Variants in TAFA1 observed in about 807,000 individuals in gnomAD.
The protein encoded by TAFA1 is chemokine-like protein TAFA-1.
Under a neutral mutation model 18.5 loss-of-function variants are expected in TAFA1, and 4 were observed. That is an observed-to-expected ratio of 0.22 (90% CI 0.11 to 0.49). TAFA1 has a LOEUF of 0.49. Among genes scored for constraint, TAFA1 ranks in the 20% least tolerant of loss-of-function variants. The pLI is 0.98. For synonymous variants in TAFA1, 56 were observed against 55.2 expected (o/e 1.01, Z -0.06); for missense variants, 147 against 169.0 (o/e 0.87, Z 0.72).
At chr3:68,520,346 A>G (rs2073001759) in intron 3 of TAFA1, among the ~76,000 whole-genome samples, 1 of 152,224 alleles carries the variant, frequency 6.6e-6, no homozygotes, top group African/African-American at 2.4e-5. Context: ...AATAAATATT[A>G]GAAGCCTTTT....
intron 2 of TAFA1, among the ~76,000 whole-genome samples, chr3:68,330,635 A>G (rs1226048253): frequency 1.3e-5 from 2 of 152,254 alleles, no homozygotes; most frequent in African/African-American, 4.8e-5. Context: ...GAAGAAATCA[A>G]AGCTTAGAGA....
intron 2 of TAFA1, among the ~76,000 whole-genome samples, chr3:68,275,136 G>A (rs1274501362): frequency 2.0e-5 from 3 of 152,016 alleles, no homozygotes; most frequent in African/African-American, 4.8e-5. Context: ...CACATCTAAC[G>A]AAGAATTTAT....
chr3:68,131,223 C>A lies in TAFA1; in HGVS notation c.118+124479C>A, dbSNP rs148626852. Among the ~76,000 whole-genome samples the A allele has an allele frequency of 8.9e-4, 135 of 152,212 alleles. 1 individual carries two copies. The highest frequency in any genetic ancestry group is 6.8e-3 in the Middle Eastern group (2 of 294). On this transcript the variant is annotated intron_variant, in intron 2 of 4. Coordinates refer to ENST00000478136, the MANE Select transcript of TAFA1 (RefSeq NM_213609.4). ...GGCTATTTTTTGCACTTATCAGTGACTCTATTATAATTCCTCTCAGATCCC... is the reference window on the plus strand; with the variant it reads ...GGCTATTTTTTGCACTTATCAGTGAATCTATTATAATTCCTCTCAGATCCC...
In TAFA1 at chr3:68,048,904, A is replaced by G. The variant is rs1357394504; in HGVS notation, c.118+42160A>G. The stretch of plus-strand genomic sequence containing the variant: ...TTCTCTCAAATCTTGGCTATTGTGA[A>G]TAATGGTGCAATTAACATGGATGTG... On this transcript the variant is annotated intron_variant, in intron 2 of 4. Coordinates refer to ENST00000478136, the MANE Select transcript of TAFA1 (RefSeq NM_213609.4). Among the ~76,000 whole-genome samples, 9 of 152,304 alleles carry G rather than the reference A, an allele frequency of 5.9e-5. No homozygotes were observed. The East Asian group carries it at 1.7e-3, about 29-fold the overall frequency.
intron 2 of TAFA1, among the ~76,000 whole-genome samples, chr3:68,124,535 G>C (rs545981936): frequency 6.6e-6 from 1 of 152,206 alleles, no homozygotes; most frequent in Non-Finnish European, 1.5e-5. Context: ...TAAGTTAATA[G>C]TTTGGGCTCT....
chr3:68,129,005 T>C (rs746826398), intron 2 of TAFA1, among the ~76,000 whole-genome samples: 3 of 152,204 alleles, frequency 2.0e-5, no homozygotes, highest in Non-Finnish European at 2.9e-5. Flanking sequence ...AATGATATTA[T>C]ACAAAGTGAC....
chr3:68,148,813 G>A (rs1198273734), intron 2 of TAFA1, among the ~76,000 whole-genome samples: 1 of 152,114 alleles, frequency 6.6e-6, no homozygotes, highest in Non-Finnish European at 1.5e-5. Flanking sequence ...TTTTTATCAA[G>A]ATTAAATTTA....
At chr3:68,042,569 A>G (rs746156015) in intron 2 of TAFA1, among the ~76,000 whole-genome samples, 10 of 152,280 alleles carry the variant, frequency 6.6e-5, no homozygotes, top group Non-Finnish European at 1.5e-4. Flanking sequence ...GAATCTCTTG[A>G]ACCTGGGAGG....
At position 68,004,488 on chromosome 3, in the gene TAFA1, A is replaced by G. The variant is rs772965009; in HGVS notation, c.-218A>G. The G allele has an allele frequency of 5.3e-5, 8 of 152,180 alleles. No homozygotes were observed. Among genetic ancestry groups the G allele is most frequent in the Non-Finnish European group, 1.0e-4 (7 of 68,034 alleles). 9.4% of individuals were successfully genotyped at this position (152,180 alleles called of 1,614,324 possible). ...CCCTCAAACCTTGGCTCCTTTTCTG[A>G]CAATACAGTCTGAATGAACCCGATG... On this transcript the variant is annotated 5_prime_UTR_variant, in exon 1 of 5. An upstream open reading frame in the 5' UTR loses its in-frame stop. Transcript: ENST00000478136.
At chr3:68,228,367 T>C (rs1329992853) in intron 2 of TAFA1, among the ~76,000 whole-genome samples, 5 of 152,148 alleles carry the variant, frequency 3.3e-5, no homozygotes, top group Non-Finnish European at 1.5e-5. Context: ...TCCTCCCATC[T>C]CAGCTTCCCA....
At chr3:68,141,150 C>A (rs992591956) in intron 2 of TAFA1, among the ~76,000 whole-genome samples, 5 of 152,136 alleles carry the variant, frequency 3.3e-5, no homozygotes, top group African/African-American at 9.7e-5. Context: ...CTAAGAATAA[C>A]CAAACGGGTG....
intron 2 of TAFA1, among the ~76,000 whole-genome samples, chr3:68,060,184 C>CT (rs1458846792): frequency 6.9e-6 from 1 of 143,888 alleles, no homozygotes; most frequent in Non-Finnish European, 1.5e-5. Context: ...ACCATTGCAA[C>CT]TGTGTGTGTG....
At chr3:68,045,470 A>C (rs1705248324) in intron 2 of TAFA1, among the ~76,000 whole-genome samples, 1 of 152,180 alleles carries the variant, frequency 6.6e-6, no homozygotes, top group Admixed American at 6.5e-5. Flanking sequence ...AATTAGATAC[A>C]TAGTCAGGAA....
At chr3:68,023,526 A>G (rs1220424063) in intron 2 of TAFA1, among the ~76,000 whole-genome samples, 1 of 152,148 alleles carries the variant, frequency 6.6e-6, no homozygotes, top group Non-Finnish European at 1.5e-5. Flanking sequence ...AGCAAGAGCT[A>G]TTTGTTGAAC....
intron 2 of TAFA1, among the ~76,000 whole-genome samples, chr3:68,099,247 A>G (rs2065120677): frequency 6.6e-6 from 1 of 152,210 alleles, no homozygotes; most frequent in Admixed American, 6.6e-5. Context: ...AAGTATTCAC[A>G]AACTATGAAT....
chr3:68,300,239 A>C (rs1373155169), intron 2 of TAFA1, among the ~76,000 whole-genome samples: 1 of 151,454 alleles, frequency 6.6e-6, no homozygotes, highest in African/African-American at 2.4e-5. Flanking sequence ...GTAGGAGCCC[A>C]CCTCTTGTAT....
intron 2 of TAFA1, among the ~76,000 whole-genome samples, chr3:68,040,908 A>G (rs969473817): frequency 1.3e-5 from 2 of 152,182 alleles, no homozygotes; most frequent in Non-Finnish European, 2.9e-5. Context: ...CTGTTTCAAA[A>G]CTTTTTTTCT....
At chr3:68,096,283 G>T (rs2065085868) in intron 2 of TAFA1, among the ~76,000 whole-genome samples, 1 of 152,040 alleles carries the variant, frequency 6.6e-6, no homozygotes, top group Admixed American at 6.6e-5. Flanking sequence ...TGGTCAAATA[G>T]TATTCCATTG....
chr3:68,394,744 A>G (rs1388750555), intron 2 of TAFA1, among the ~76,000 whole-genome samples: 2 of 152,210 alleles, frequency 1.3e-5, no homozygotes, highest in African/African-American at 4.8e-5. Flanking sequence ...CTGGCTAGCC[A>G]TATGCAGAAA....
Sources: allele counts gnomAD v4.1 joint callset (sites outside exome capture counted in the v4.1 genomes callset), GRCh38; gene constraint gnomAD v4.1.1; transcripts MANE v1.5; gene names NCBI Gene and HGNC (gene_info 2026-07-23, HGNC 2026-07-21).